L3MBTL3: variants seen among roughly 807,000 people sequenced by gnomAD.
L3MBTL3 encodes L3MBTL histone methyl-lysine binding protein 3, also known as lethal(3)malignant brain tumor-like protein 3.
In L3MBTL3, 27 loss-of-function variants were observed where a neutral mutation model predicts 102.3. The observed-to-expected ratio is 0.26, with a 90% CI of 0.19 to 0.36. L3MBTL3 has a LOEUF of 0.36. Ranked by LOEUF, L3MBTL3 falls within the 10% of genes least tolerant of loss-of-function variation. The pLI is 1.00. For synonymous variants in L3MBTL3, 340 were observed against 320.9 expected (o/e 1.06, Z -0.64); for missense variants, 798 against 955.3 (o/e 0.84, Z 2.17).
At chr6:130,048,193 A>AT (rs934851947) in intron 3 of L3MBTL3, among the ~76,000 whole-genome samples, 3 of 152,176 alleles carry the variant, frequency 2.0e-5, no homozygotes, top group African/African-American at 7.2e-5. Flanking sequence ...GACTAAATCG[A>AT]TTTTTTCGGA....
rs756433205 is a variant in L3MBTL3, at chr6:130,104,555, CTCT to C, written c.1872_1874del (p.Ser625del). Reference sequence around the variant, plus strand: ...ATAAAAGGACAGATGCAAATGAAAGCTCTTCTTCCCCTGAAATCAGGTAATCAA... The same window carrying C: ...ATAAAAGGACAGATGCAAATGAAAGCTCTTCCCCTGAAATCAGGTAATCAA... On this transcript the variant is annotated inframe_deletion, in exon 19 of 23. Transcript: ENST00000361794. The C allele has an allele frequency of 5.7e-6, 9 of 1,576,190 alleles. No homozygotes were observed. The African/African-American group carries it at 1.2e-4, about 22-fold the overall frequency.
chr6:130,135,616 A>AT (rs1251811105), intron 22 of L3MBTL3, among the ~76,000 whole-genome samples: 2 of 151,882 alleles, frequency 1.3e-5, no homozygotes, highest in South Asian at 2.1e-4. Context: ...TTTTTGAGTA[A>AT]TTTTTTTTAT....
chr6:130,038,406 T>G (rs569902063), intron 2 of L3MBTL3, among the ~76,000 whole-genome samples: 95 of 152,232 alleles, frequency 6.2e-4, no homozygotes, highest in African/African-American at 2.2e-3. Flanking sequence ...GGAGCTCACC[T>G]TTCTCTGCAT....
Position 130,133,724 on chromosome 6 carries a change from A to C in L3MBTL3, c.2136+103A>C. On this transcript the variant is annotated intron_variant, in intron 21 of 22. Transcript: ENST00000361794. This position sits in a 1 kb window ranked among gnomAD's most constrained non-coding sequence, Gnocchi z 4.9. The stretch of plus-strand genomic sequence containing the variant: ...TAGCGTTTAGTCTTTTTTTTTCTGA[A>C]AGAGAAGAAATTATTGTGAGAGAAA... The C allele has an allele frequency of 6.7e-7, 1 of 1,490,790 alleles. No individual in the cohort carries two copies. The highest frequency in any genetic ancestry group is 1.2e-5 in the South Asian group (1 of 83,716). The allele number at this position is 1,490,790 out of a possible 1,614,324, so 92.3% of individuals were successfully genotyped here. A position where few individuals can be genotyped will look rare whatever the true frequency, so the allele number is the denominator to read the frequency against.
intron 20 of L3MBTL3, among the ~76,000 whole-genome samples, chr6:130,122,372 A>G (rs1276674812): frequency 1.3e-5 from 2 of 152,190 alleles, no homozygotes; most frequent in East Asian, 1.9e-4. Context: ...TTTATGTAGC[A>G]CGGTGTACAA....
At chr6:130,124,892 C>A (rs1450122849) in intron 20 of L3MBTL3, among the ~76,000 whole-genome samples, 1 of 151,988 alleles carries the variant, frequency 6.6e-6, no homozygotes, top group African/African-American at 2.4e-5. Flanking sequence ...ATCACTTGAA[C>A]CTGGGAGGTG....
intron 20 of L3MBTL3, among the ~76,000 whole-genome samples, chr6:130,129,416 T>C (rs1214903141): frequency 1.3e-5 from 2 of 152,232 alleles, no homozygotes; most frequent in Non-Finnish European, 2.9e-5. Context: ...TTAATTCTTA[T>C]CTTTCCACTG....
intron 13 of L3MBTL3, 26 bp from the exon 14 acceptor site, chr6:130,078,532 A>T (rs1201004018): frequency 6.5e-7 from 1 of 1,526,946 alleles, no homozygotes; most frequent in East Asian, 2.3e-5. Flanking sequence ...TGATAATTGC[A>T]GTTTTTTAAT....
intron 7 of L3MBTL3, among the ~76,000 whole-genome samples, chr6:130,053,655 ACTAT>A (rs1475625584): frequency 6.6e-6 from 1 of 151,938 alleles, no homozygotes; most frequent in Non-Finnish European, 1.5e-5. Flanking sequence ...AACAAAAAAA[ACTAT>A]CTGAGTGGTT....
chr6:130,061,806 G>A (rs1240361773), intron 10 of L3MBTL3, among the ~76,000 whole-genome samples: 1 of 152,146 alleles, frequency 6.6e-6, no homozygotes, highest in Admixed American at 6.5e-5. Context: ...GTGGGTGCAG[G>A]AGAAAGAATA....
chr6:130,025,138 G>C (rs1779265927), intron 2 of L3MBTL3, among the ~76,000 whole-genome samples: 3 of 152,148 alleles, frequency 2.0e-5, no homozygotes, highest in Non-Finnish European at 4.4e-5. Flanking sequence ...ATCTTCCACT[G>C]TTACCACTTG....
chr6:130,104,260 TAAAGATAAA>T (rs1784860266), intron 18 of L3MBTL3, among the ~76,000 whole-genome samples, 157 bp from the exon 19 acceptor site: 1 of 152,250 alleles, frequency 6.6e-6, no homozygotes, highest in South Asian at 2.1e-4. Flanking sequence ...TGTTATGTTT[TAAAGATAAA>T]ATATGCTGTA....
At chr6:130,083,860 C>G (rs1315925386) in intron 15 of L3MBTL3, among the ~76,000 whole-genome samples, 155 bp downstream of exon 15, 1 of 152,010 alleles carries the variant, frequency 6.6e-6, no homozygotes, top group African/African-American at 2.4e-5. Context: ...TTTTTAAAGT[C>G]AAAATTGTTA....
intron 3 of L3MBTL3, among the ~76,000 whole-genome samples, chr6:130,043,073 A>G (rs988149200): frequency 1.3e-5 from 2 of 152,218 alleles, no homozygotes; most frequent in African/African-American, 4.8e-5. Flanking sequence ...AAGAAGGATC[A>G]TCTCAGTTTT....
chr6:130,021,740 A>G (rs376617290), intron 1 of L3MBTL3, among the ~76,000 whole-genome samples: 169 of 152,350 alleles, frequency 1.1e-3, no homozygotes, highest in Middle Eastern at 6.8e-3. Flanking sequence ...ATAGTTATGT[A>G]TAGTCCGAGT....
rs767882080 is a variant in L3MBTL3, at chr6:130,133,658, C to G, written c.2136+37C>G. On this transcript the variant is annotated intron_variant, in intron 21 of 22. Coordinates refer to ENST00000361794, the MANE Select transcript of L3MBTL3 (RefSeq NM_032438.4). This position sits in a 1 kb window ranked among gnomAD's most constrained non-coding sequence, Gnocchi z 4.9. Reference sequence around the variant, plus strand: ...TTTCTTTGCTGCCCGACACCAGATACAGGATTACTGGCTTAAGAGGTGTGG... The same window carrying G: ...TTTCTTTGCTGCCCGACACCAGATAGAGGATTACTGGCTTAAGAGGTGTGG... The G allele has an allele frequency of 5.0e-6, 8 of 1,606,364 alleles. No individual in the cohort carries two copies. The highest frequency in any genetic ancestry group is 6.8e-6 in the Non-Finnish European group (8 of 1,176,624).
chr6:130,071,266 T>A, intron 13 of L3MBTL3, 139 bp downstream of exon 13: 1 of 722,234 alleles, frequency 1.4e-6, no homozygotes, highest in Non-Finnish European at 2.2e-6. Context: ...ATTTTTAATT[T>A]TTTACCTGTT....
intron 19 of L3MBTL3, among the ~76,000 whole-genome samples, chr6:130,111,598 C>T (rs770161846): frequency 6.6e-6 from 1 of 152,200 alleles, no homozygotes; most frequent in Non-Finnish European, 1.5e-5. Context: ...TGTAATAGGA[C>T]TAGCATAAGT....
chr6:130,026,118 G>T (rs1320729402), intron 2 of L3MBTL3, among the ~76,000 whole-genome samples: 1 of 152,070 alleles, frequency 6.6e-6, no homozygotes, highest in African/African-American at 2.4e-5. Context: ...ACCCTATGAA[G>T]TGTTGATATA....
Sources: allele counts gnomAD v4.1 joint callset (sites outside exome capture counted in the v4.1 genomes callset), GRCh38; gene constraint gnomAD v4.1.1; non-coding constraint Gnocchi (gnomAD v3.1); transcripts MANE v1.5; gene names NCBI Gene and HGNC (gene_info 2026-07-23, HGNC 2026-07-21).